DPY19L2: variants seen among roughly 807,000 people sequenced by gnomAD.
The protein encoded by DPY19L2 is dpy-19 like 2.
DPY19L2 carries 34 observed loss-of-function variants against 97.9 expected under a neutral mutation model. That is an observed-to-expected ratio of 0.35 (90% confidence interval 0.26 to 0.46). DPY19L2 has a LOEUF of 0.46. Among genes scored for constraint, DPY19L2 ranks in the 20% least tolerant of loss-of-function variants. DPY19L2 has a pLI of 1.00. For synonymous variants in DPY19L2, 230 were observed against 307.9 expected (o/e 0.75, Z 2.65); for missense variants, 623 against 911.4 (o/e 0.68, Z 4.07).
intron 14 of DPY19L2, among the ~76,000 whole-genome samples, chr12:63,596,516 A>G (rs1884275303): frequency 6.6e-6 from 1 of 152,168 alleles, no homozygotes; most frequent in African/African-American, 2.4e-5. Context: ...TGTTATTGTA[A>G]TAAGGAGTAA....
At chr12:63,601,975 G>GA (rs1331387938) in intron 12 of DPY19L2, among the ~76,000 whole-genome samples, 2 of 151,972 alleles carry the variant, frequency 1.3e-5, no homozygotes, top group African/African-American at 2.4e-5. Context: ...ATTAATAGAT[G>GA]AAAAAATGCC....
chr12:63,668,458 A>G lies in DPY19L2; in HGVS notation c.-65T>C. 1 of 1,454,922 alleles carries G rather than the reference A, an allele frequency of 6.9e-7. No homozygotes were observed. Among genetic ancestry groups the G allele is most frequent in the East Asian group, 2.5e-5 (1 of 40,692 alleles). The allele number at this position is 1,454,922 out of a possible 1,614,324, so 90.1% of individuals were successfully genotyped here. A position where few individuals can be genotyped will look rare whatever the true frequency, so the allele number is the denominator to read the frequency against. On this transcript the variant is annotated 5_prime_UTR_variant, in exon 1 of 22. Coordinates refer to ENST00000324472, the MANE Select transcript of DPY19L2 (RefSeq NM_173812.5). The stretch of plus-strand genomic sequence containing the variant: ...AGCCCAGCCGAGTCAGGCGAGGTCC[A>G]GAGAGACCTGACTCGCCTGGCAGCC...
chr12:63,573,001 A>T (rs940942766), intron 19 of DPY19L2, among the ~76,000 whole-genome samples: 31 of 152,092 alleles, frequency 2.0e-4, no homozygotes, highest in Admixed American at 3.3e-4. Flanking sequence ...CCCAGACTGC[A>T]AAAACTATAA....
chr12:63,621,984 A>T (rs563812622), intron 8 of DPY19L2, among the ~76,000 whole-genome samples: 7 of 152,244 alleles, frequency 4.6e-5, no homozygotes, highest in African/African-American at 1.7e-4. Context: ...AAATAGTAAA[A>T]CTGCAACTCT....
chr12:63,598,977 A>C (rs1461900578), intron 13 of DPY19L2, among the ~76,000 whole-genome samples: 1 of 151,762 alleles, frequency 6.6e-6, no homozygotes, highest in Non-Finnish European at 1.5e-5. Context: ...GTTTGAGACC[A>C]GGCTGGCCAA....
intron 11 of DPY19L2, among the ~76,000 whole-genome samples, chr12:63,615,443 A>G (rs1887677873): frequency 6.6e-6 from 1 of 152,156 alleles, no homozygotes; most frequent in South Asian, 2.1e-4. Flanking sequence ...AATACTAAAG[A>G]CTTGCAAAAG....
chr12:63,604,081 G>T (rs1885637599), intron 12 of DPY19L2, among the ~76,000 whole-genome samples: 1 of 152,110 alleles, frequency 6.6e-6, no homozygotes, highest in Admixed American at 6.5e-5. Context: ...AATTTTCATT[G>T]ATTAGAGAAT....
chr12:63,560,533 G>A lies in DPY19L2; in HGVS notation c.2256C>T (p.Tyr752=). ...CTTCTCAGTTAACCTTTAATACTCTGTACACACTATTCTGAAATACTGTGG... is the reference window on the plus strand; with the variant it reads ...CTTCTCAGTTAACCTTTAATACTCTATACACACTATTCTGAAATACTGTGG... ...YFTTVFQNSV[Y]RVLKVN Residue 752 remains tyrosine (Y), a synonymous_variant, in exon 22 of 22, where the codon TAC becomes TAT. Coordinates refer to ENST00000324472, the MANE Select transcript of DPY19L2 (RefSeq NM_173812.5). 3 of 1,613,894 alleles carry A rather than the reference G, an allele frequency of 1.9e-6. No individual in the cohort carries two copies. The highest frequency in any genetic ancestry group is 2.5e-6 in the Non-Finnish European group (3 of 1,179,852).
intron 10 of DPY19L2, 58 bp downstream of exon 10, chr12:63,618,093 T>G: frequency 8.1e-7 from 1 of 1,239,868 alleles, no homozygotes; most frequent in Non-Finnish European, 1.1e-6. Flanking sequence ...ATCACTTCGA[T>G]TTTATAAACT....
chr12:63,610,636 A>G (rs560748987), intron 11 of DPY19L2, among the ~76,000 whole-genome samples: 1 of 151,176 alleles, frequency 6.6e-6, no homozygotes, highest in Non-Finnish European at 1.5e-5. Flanking sequence ...TTTTCTCAAC[A>G]AAGGAAAACC....
intron 6 of DPY19L2, among the ~76,000 whole-genome samples, chr12:63,643,592 T>C (rs375164604): frequency 1.3e-5 from 2 of 152,314 alleles, no homozygotes; most frequent in South Asian, 2.1e-4. Flanking sequence ...ATGTTGTTTA[T>C]TGTATCATTC....
intron 4 of DPY19L2, among the ~76,000 whole-genome samples, chr12:63,653,953 G>C (rs1468442805): frequency 6.6e-6 from 1 of 151,532 alleles, no homozygotes; most frequent in African/African-American, 2.4e-5. Context: ...ATATCCTTCA[G>C]TAATGAAAAG....
chr12:63,643,007 T>G (rs2138109885), intron 6 of DPY19L2, among the ~76,000 whole-genome samples: 1 of 152,076 alleles, frequency 6.6e-6, no homozygotes, highest in African/African-American at 2.4e-5. Flanking sequence ...AGGAATATCA[T>G]GCTTTTAATG....
rs1298850457 is a variant in DPY19L2 at position 63,559,049 on chromosome 12, T to C, written c.*1463A>G. 1 of 152,192 alleles carries C rather than the reference T, an allele frequency of 6.6e-6. No homozygotes were observed. Among genetic ancestry groups the C allele is most frequent in the Non-Finnish European group, 1.5e-5 (1 of 68,022 alleles). 9.4% of individuals were successfully genotyped at this position (152,192 alleles called of 1,614,324 possible). A position where few individuals can be genotyped will look rare whatever the true frequency, so the allele number is the denominator to read the frequency against. Reference sequence around the variant, plus strand: ...TAAAATATTTCCTGTAAAAACATCATCCAAAATATACTTTGTTAATTTTTA... The same window carrying C: ...TAAAATATTTCCTGTAAAAACATCACCCAAAATATACTTTGTTAATTTTTA... On this transcript the variant is annotated 3_prime_UTR_variant, in exon 22 of 22. Transcript: ENST00000324472.
chr12:63,564,281 G>A (rs1338047714), intron 21 of DPY19L2, among the ~76,000 whole-genome samples: 4 of 152,188 alleles, frequency 2.6e-5, no homozygotes, highest in African/African-American at 9.6e-5. Context: ...TTACTTTGGA[G>A]TTTACTTATT....
intron 14 of DPY19L2, among the ~76,000 whole-genome samples, chr12:63,596,406 T>G (rs1049294251): frequency 6.6e-6 from 1 of 152,172 alleles, no homozygotes; most frequent in Non-Finnish European, 1.5e-5. Flanking sequence ...TTATTTTCAT[T>G]AGTGAAACTA....
rs138340256 is a variant in DPY19L2, at chr12:63,578,154, C to T, written c.1900+2508G>A. 5.9e-3 allele frequency among the ~76,000 whole-genome samples: 892 copies of T among 152,144 alleles called. 5 individuals are homozygous for T. The highest frequency in any genetic ancestry group is 0.02 in the Middle Eastern group (6 of 294). On this transcript the variant is annotated intron_variant, in intron 19 of 21. Coordinates refer to ENST00000324472, the MANE Select transcript of DPY19L2 (RefSeq NM_173812.5). Reference sequence around the variant, plus strand: ...CCTGTCATAAAAAAAGAATGAGATCCTATCCATAACATGGATGGAACTGGA... The same window carrying T: ...CCTGTCATAAAAAAAGAATGAGATCTTATCCATAACATGGATGGAACTGGA...
At chr12:63,589,624 G>A (rs1882529660) in intron 16 of DPY19L2, among the ~76,000 whole-genome samples, 1 of 151,866 alleles carries the variant, frequency 6.6e-6, no homozygotes, top group African/African-American at 2.4e-5. Flanking sequence ...AGACACTTAT[G>A]AAAGAAAATA....
In DPY19L2 at chr12:63,599,610, T is replaced by C. The variant is rs189397957; in HGVS notation, c.1359+696A>G. Among the ~76,000 whole-genome samples, 443 of 152,264 alleles carry C rather than the reference T, an allele frequency of 2.9e-3. 3 individuals are homozygous for C. Among genetic ancestry groups the C allele is most frequent in the African/African-American group, 9.3e-3 (387 of 41,534 alleles). On this transcript the variant is annotated intron_variant, in intron 13 of 21. Coordinates refer to ENST00000324472, the MANE Select transcript of DPY19L2 (RefSeq NM_173812.5). ...GCATTAAATGAGGTAAATTTCAAAATTGATTATTATATGATATACTCATGT... is the reference window on the plus strand; with the variant it reads ...GCATTAAATGAGGTAAATTTCAAAACTGATTATTATATGATATACTCATGT...
Sources: allele counts gnomAD v4.1 joint callset (sites outside exome capture counted in the v4.1 genomes callset), GRCh38; gene constraint gnomAD v4.1.1; transcripts MANE v1.5; gene names NCBI Gene and HGNC (gene_info 2026-07-23, HGNC 2026-07-21).